The following NAPEPLD variants were observed in gnomAD, a reference collection of about 807,000 sequenced individuals.
NAPEPLD encodes the protein N-acyl phosphatidylethanolamine phospholipase D, also known as N-acyl-phosphatidylethanolamine-hydrolyzing phospholipase D.
Under a neutral mutation model 38.1 loss-of-function variants are expected in NAPEPLD, and 23 were observed. That is an observed-to-expected ratio of 0.60 (90% CI 0.43 to 0.86). NAPEPLD has a LOEUF of 0.86. NAPEPLD is among the 40% of genes least tolerant of loss of function. The pLI, the probability that NAPEPLD is intolerant of heterozygous loss-of-function variation, is 0.00. For missense variants in NAPEPLD, 411 were observed against 476.8 expected (o/e 0.86, Z 1.28); for synonymous variants, 147 against 162.0 (o/e 0.91, Z 0.71).
intron 1 of NAPEPLD, among the ~76,000 whole-genome samples, chr7:103,146,932 C>A (rs912969066): frequency 6.6e-6 from 1 of 152,218 alleles, no homozygotes; most frequent in African/African-American, 2.4e-5. Context: ...CAAACTCTCT[C>A]TATATATATA....
At chr7:103,137,670 G>A (rs1810341545) in intron 1 of NAPEPLD, among the ~76,000 whole-genome samples, 1 of 152,008 alleles carries the variant, frequency 6.6e-6, no homozygotes, top group Non-Finnish European at 1.5e-5. Flanking sequence ...AAAAGGTCAG[G>A]CCAGGTGTGG....
chr7:103,142,478 C>T (rs1220095560), intron 1 of NAPEPLD, among the ~76,000 whole-genome samples: 3 of 151,860 alleles, frequency 2.0e-5, no homozygotes, highest in Non-Finnish European at 2.9e-5. Flanking sequence ...TGGTGGCAGG[C>T]GGCTGTAATC....
At chr7:103,149,310 G>A (rs1022230321), upstream of NAPEPLD, 15 of 1,081,328 alleles carry the variant, frequency 1.4e-5, no homozygotes, top group Admixed American at 2.4e-4. Context: ...AGCGCGCGCC[G>A]CCTCAGTTCC....
chr7:103,149,388 CGCTCGGGTTCTTCCTAA>C, upstream of NAPEPLD: 1 of 1,172,874 alleles, frequency 8.5e-7, no homozygotes, highest in Non-Finnish European at 1.1e-6. Context: ...CCGCGGCAGG[CGCTCGGGTTCTTCCTAA>C]CCCGAGCCCG....
At chr7:103,147,758 A>G (rs1191193851) in intron 1 of NAPEPLD, among the ~76,000 whole-genome samples, 1 of 152,222 alleles carries the variant, frequency 6.6e-6, no homozygotes, top group Non-Finnish European at 1.5e-5. Flanking sequence ...ATAATTTGGA[A>G]TTCTGAGTGA....
chr7:103,115,545 G>A (rs1366972733), intron 3 of NAPEPLD, among the ~76,000 whole-genome samples: 1 of 152,132 alleles, frequency 6.6e-6, no homozygotes, highest in Admixed American at 6.5e-5. Flanking sequence ...TTTGTTTCAC[G>A]TATATTTTGA....
At chr7:103,115,369 T>C (rs895410137) in intron 3 of NAPEPLD, 195 bp from the exon 4 acceptor site, 6 of 440,410 alleles carry the variant, frequency 1.4e-5, no homozygotes, top group African/African-American at 1.2e-4. Flanking sequence ...CAAGGCTAGA[T>C]TGTAAAAACA....
chr7:103,147,710 T>C (rs546578415), intron 1 of NAPEPLD, among the ~76,000 whole-genome samples: 12 of 152,222 alleles, frequency 7.9e-5, no homozygotes, highest in Non-Finnish European at 1.5e-4. Flanking sequence ...CTGGACTAAT[T>C]TTAAAATTAG....
At chr7:103,148,199 C>T (rs1812968152) in intron 1 of NAPEPLD, 1 of 703,534 alleles carries the variant, frequency 1.4e-6, no homozygotes, top group African/African-American at 1.9e-5. Context: ...GGAATGACTT[C>T]CTGGACAAAT....
chr7:103,143,517 T>C (rs1030113834), intron 1 of NAPEPLD, among the ~76,000 whole-genome samples: 3 of 152,156 alleles, frequency 2.0e-5, no homozygotes, highest in South Asian at 2.1e-4. Context: ...CTTTGAACAA[T>C]GTGATACGAG....
chr7:103,140,387 CTTTTTTT>C (rs377763676), intron 1 of NAPEPLD, among the ~76,000 whole-genome samples: 1 of 92,622 alleles, frequency 1.1e-5, no homozygotes, highest in Non-Finnish European at 1.9e-5. Context: ...TCACAGAACT[CTTTTTTT>C]TTTTTTTTTT....
intron 1 of NAPEPLD, among the ~76,000 whole-genome samples, chr7:103,140,679 AG>A (rs1811106048): frequency 1.3e-5 from 2 of 152,142 alleles, no homozygotes; most frequent in Non-Finnish European, 2.9e-5. Flanking sequence ...AATTCAAAAC[AG>A]GATTCCTACC....
intron 1 of NAPEPLD, among the ~76,000 whole-genome samples, chr7:103,139,035 G>A (rs1221194780): frequency 2.6e-5 from 4 of 152,148 alleles, no homozygotes; most frequent in African/African-American, 9.7e-5. Flanking sequence ...AGGGATAAGC[G>A]AAGTATTTCA....
chr7:103,112,272 T>C (rs907554990), intron 4 of NAPEPLD, among the ~76,000 whole-genome samples: 1 of 152,176 alleles, frequency 6.6e-6, no homozygotes, highest in African/African-American at 2.4e-5. Flanking sequence ...CAGAGGATTA[T>C]AAATCATTCT....
chr7:103,112,857 A>T (rs1804811191), intron 4 of NAPEPLD, among the ~76,000 whole-genome samples: 1 of 152,260 alleles, frequency 6.6e-6, no homozygotes, highest in Non-Finnish European at 1.5e-5. Context: ...TCAAAACATG[A>T]ACAAATTCCA....
At chr7:103,125,083 C>T (rs1333404261) in intron 2 of NAPEPLD, among the ~76,000 whole-genome samples, 1 of 152,162 alleles carries the variant, frequency 6.6e-6, no homozygotes, top group African/African-American at 2.4e-5. Flanking sequence ...TTAAAGAAGA[C>T]ACAGTAATAC....
chr7:103,122,082 C>A (rs1245405518), intron 2 of NAPEPLD, among the ~76,000 whole-genome samples: 1 of 151,228 alleles, frequency 6.6e-6, no homozygotes, highest in African/African-American at 2.4e-5. Context: ...ATGCTTCACT[C>A]TAAGACAATG....
chr7:103,117,437 A>T (rs1375368966), intron 3 of NAPEPLD, among the ~76,000 whole-genome samples: 1 of 152,168 alleles, frequency 6.6e-6, no homozygotes, highest in Non-Finnish European at 1.5e-5. Context: ...ATAGATTTAA[A>T]TTTTTTACTG....
chr7:103,147,867 T>A, intron 1 of NAPEPLD: 2 of 577,092 alleles, frequency 3.5e-6, no homozygotes, highest in Non-Finnish European at 4.4e-6. Context: ...CAAAACAAAA[T>A]CTCTGAAAAT....
Sources: allele counts gnomAD v4.1 joint callset (sites outside exome capture counted in the v4.1 genomes callset), GRCh38; gene constraint gnomAD v4.1.1; transcripts MANE v1.5; gene names NCBI Gene and HGNC (gene_info 2026-07-23, HGNC 2026-07-21).